The following PDZD2 variants were observed in gnomAD, a reference collection of about 807,000 sequenced individuals.
PDZD2 encodes PDZ domain-containing protein 2.
In PDZD2, 90 loss-of-function variants were observed where a neutral mutation model predicts 220.7. The ratio of observed to expected loss-of-function variants is 0.41; its 90% CI spans 0.34 to 0.49. The LOEUF is 0.49. Among genes scored for constraint, PDZD2 ranks in the 20% least tolerant of loss-of-function variants. PDZD2 has a pLI of 0.28. For synonymous variants in PDZD2, 1,375 were observed against 1,450.5 expected, an observed-to-expected ratio of 0.95 and a Z score of 1.18; for missense variants, 3,174 against 3,608.5, an observed-to-expected ratio of 0.88 and a Z score of 3.08.
In PDZD2 at chr5:31,767,582, C is replaced by T. The variant is rs59800531; in HGVS notation, c.-360-31307C>T. Among the ~76,000 whole-genome samples the T allele has an allele frequency of 4.5e-3, 682 of 152,296 alleles. 4 individuals are homozygous for T. The highest frequency in any genetic ancestry group is 0.016 in the African/African-American group (656 of 41,570). ...TGACTCATATCTTGTAGTCATTTCT[C>T]CTTTACAGGATGATTTTTGAGGTAA... On this transcript the variant is annotated intron_variant, in intron 1 of 24. Transcript: ENST00000438447.
chr5:31,644,554 C>T (rs376318654), intron 1 of PDZD2, among the ~76,000 whole-genome samples: 3 of 152,126 alleles, frequency 2.0e-5, no homozygotes, highest in African/African-American at 2.4e-5. Flanking sequence ...ACTAAGCATG[C>T]GGAGAAGACA....
chr5:31,989,086 G>A lies in PDZD2; in HGVS notation c.978+5430G>A, dbSNP rs142734918. 1.4e-3 allele frequency among the ~76,000 whole-genome samples: 207 copies of A among 152,272 alleles called. 2 individuals are homozygous for A. Among genetic ancestry groups the A allele is most frequent in the African/African-American group, 4.7e-3 (195 of 41,564 alleles). ...TTTTATATATTTGGGGGATGGAGGT[G>A]CAGATTTCTTCAACACATATATTAC... On this transcript the variant is annotated intron_variant, in intron 3 of 24. Transcript: ENST00000438447.
intron 2 of PDZD2, among the ~76,000 whole-genome samples, chr5:31,891,974 G>A (rs778266006): frequency 2.0e-5 from 3 of 152,122 alleles, no homozygotes; most frequent in Non-Finnish European, 4.4e-5. Context: ...GCAGTAGTGC[G>A]ATCATAGCTC....
Position 32,057,637 on chromosome 5 carries a change from C to T in PDZD2, c.1901-18C>T. The T allele has an allele frequency of 1.4e-6, 2 of 1,431,844 alleles. No homozygotes were observed. The highest frequency in any genetic ancestry group is 2.0e-6 in the Non-Finnish European group (2 of 1,023,116). 88.7% of individuals were successfully genotyped at this position (1,431,844 alleles called of 1,614,324 possible). On this transcript the variant is annotated intron_variant, in intron 10 of 24. Transcript: ENST00000438447. The stretch of plus-strand genomic sequence containing the variant: ...ATTAAAGGCTAATGTTAATGTAATT[C>T]TCACATTTGATCACTAGGGGATGAA...
intron 2 of PDZD2, among the ~76,000 whole-genome samples, chr5:31,904,558 C>T (rs758039610): frequency 4.6e-5 from 7 of 152,230 alleles, no homozygotes; most frequent in Non-Finnish European, 5.9e-5. Context: ...GACAGAGTCT[C>T]GCTCTGTCGC....
rs181057113 is a variant in PDZD2 at position 32,105,287 on chromosome 5, A to G, written c.8354-2682A>G. On this transcript the variant is annotated intron_variant, in intron 24 of 24. Transcript: ENST00000438447. ...CTAGGTGGCCAAGAAACACAGGAAG[A>G]TGCTCAAACTTAAATGTATTGGATG... Among the ~76,000 whole-genome samples, 239 of 152,350 alleles carry G rather than the reference A, an allele frequency of 1.6e-3. 2 individuals carry two copies. Among genetic ancestry groups the G allele is most frequent in the African/African-American group, 5.5e-3 (229 of 41,576 alleles).
intron 2 of PDZD2, among the ~76,000 whole-genome samples, chr5:31,864,473 T>G (rs1317395182): frequency 6.6e-6 from 1 of 152,232 alleles, no homozygotes; most frequent in Non-Finnish European, 1.5e-5. Flanking sequence ...TTGTCATGCT[T>G]GGCTCTAAAA....
At chr5:31,669,364 T>C (rs1330196578) in intron 1 of PDZD2, among the ~76,000 whole-genome samples, 1 of 145,028 alleles carries the variant, frequency 6.9e-6, no homozygotes, top group Non-Finnish European at 1.5e-5. Flanking sequence ...ATTGTGCCTC[T>C]ACGCTCCAGC....
intron 2 of PDZD2, among the ~76,000 whole-genome samples, chr5:31,973,060 T>C (rs2111795537): frequency 6.6e-6 from 1 of 152,346 alleles, no homozygotes; most frequent in South Asian, 2.1e-4. Flanking sequence ...GATCAAGAAT[T>C]TTCTGCTTCA....
chr5:32,100,488 T>C (rs1414724688), intron 23 of PDZD2: 2 of 272,964 alleles, frequency 7.3e-6, no homozygotes, highest in Non-Finnish European at 1.4e-5. Flanking sequence ...TTCCTCACAG[T>C]GGAGCAAGAT....
chr5:31,862,101 G>GTTGTTTTT (rs768772887), intron 2 of PDZD2, among the ~76,000 whole-genome samples: 5 of 78,500 alleles, frequency 6.4e-5, no homozygotes, highest in Non-Finnish European at 9.8e-5. Flanking sequence ...TTTTTTTTGG[G>GTTGTTTTT]TTTTTTTTTT....
At chr5:31,722,057 C>G (rs888815641) in intron 1 of PDZD2, among the ~76,000 whole-genome samples, 1 of 152,156 alleles carries the variant, frequency 6.6e-6, no homozygotes, top group African/African-American at 2.4e-5. Context: ...TTCTTCTCCC[C>G]AGGTGCACTG....
intron 6 of PDZD2, among the ~76,000 whole-genome samples, chr5:32,024,001 G>A (rs533028685): frequency 5.9e-5 from 9 of 152,208 alleles, no homozygotes; most frequent in South Asian, 4.1e-4. Context: ...CTACCTGCCC[G>A]TTAGTCACTA....
chr5:32,006,938 C>G (rs1752869175), intron 5 of PDZD2, among the ~76,000 whole-genome samples: 1 of 72,044 alleles, frequency 1.4e-5, no homozygotes, highest in East Asian at 4.4e-4. Flanking sequence ...TTTTTTGAGA[C>G]GGAGTCTCGC....
At chr5:32,012,222 C>T (rs982134911) in intron 6 of PDZD2, among the ~76,000 whole-genome samples, 2 of 152,128 alleles carry the variant, frequency 1.3e-5, no homozygotes, top group African/African-American at 4.8e-5. Context: ...TGCCCGGAGA[C>T]ATCTCAGCCA....
Position 31,879,634 on chromosome 5 carries a change from A to G in PDZD2, c.476+79910A>G, listed in dbSNP as rs1580975216. Among the ~76,000 whole-genome samples the G allele has an allele frequency of 3.9e-5, 6 of 152,190 alleles. No homozygotes were observed. The South Asian group carries it at 1.0e-3, about 26-fold the overall frequency. On this transcript the variant is annotated intron_variant, in intron 2 of 24. Transcript: ENST00000438447. ...CCGCTGGTTGGTGTTTCGTGCCTAC[A>G]TTTCTATTGCCTTGTCCTTCCTTTT...
At chr5:31,738,583 T>C (rs1750048127) in intron 1 of PDZD2, 5 of 152,242 alleles carry the variant, frequency 3.3e-5, no homozygotes, top group Admixed American at 3.3e-4. Flanking sequence ...TCTTGACTTA[T>C]ATGATGGGGA....
At chr5:31,975,915 C>T (rs533095252) in intron 2 of PDZD2, among the ~76,000 whole-genome samples, 3 of 150,788 alleles carry the variant, frequency 2.0e-5, no homozygotes, top group South Asian at 4.2e-4. Context: ...GCGATCTTCC[C>T]GCCTCAGGCT....
At chr5:31,873,806 C>G (rs1187124506) in intron 2 of PDZD2, among the ~76,000 whole-genome samples, 1 of 151,242 alleles carries the variant, frequency 6.6e-6, no homozygotes, top group African/African-American at 2.4e-5. Flanking sequence ...TCTCGGCTCA[C>G]GGCAACCTCC....
Sources: allele counts gnomAD v4.1 joint callset (sites outside exome capture counted in the v4.1 genomes callset), GRCh38; gene constraint gnomAD v4.1.1; transcripts MANE v1.5; gene names NCBI Gene and HGNC (gene_info 2026-07-23, HGNC 2026-07-21).